The following AXDND1 variants were observed in gnomAD, a reference collection of about 807,000 sequenced individuals.
AXDND1 encodes axonemal dynein light chain domain containing 1, also known as axonemal dynein light chain domain-containing protein 1.
AXDND1 carries 110 observed loss-of-function variants against 137.5 expected under a neutral mutation model. The ratio of observed to expected loss-of-function variants is 0.80; its 90% CI spans 0.69 to 0.94. The LOEUF (loss-of-function observed/expected upper bound fraction) is 0.94, where lower values mean the gene tolerates loss of function less well. Among genes scored for constraint, AXDND1 ranks in the 40% least tolerant of loss-of-function variants. AXDND1 has a pLI of 0.00. For missense variants in AXDND1, 1,191 were observed against 1,169.8 expected, an observed-to-expected ratio of 1.02 and a Z score of -0.26; for synonymous variants, 414 against 399.7, an observed-to-expected ratio of 1.04 and a Z score of -0.43.
intron 25 of AXDND1, among the ~76,000 whole-genome samples, chr1:179,553,674 A>C (rs1420308120): frequency 6.6e-6 from 1 of 152,230 alleles, no homozygotes; most frequent in South Asian, 2.1e-4. Context: ...GAAATTAGAT[A>C]ATAGTAATGG....
At chr1:179,549,575 C>G (rs1477879748) in intron 25 of AXDND1, among the ~76,000 whole-genome samples, 1 of 152,098 alleles carries the variant, frequency 6.6e-6, no homozygotes, top group East Asian at 1.9e-4. Flanking sequence ...CATTTTTACC[C>G]TGGTGTTCAC....
chr1:179,465,662 T>C (rs12131055), intron 16 of AXDND1, among the ~76,000 whole-genome samples: 25,541 of 152,116 alleles, frequency 0.17, 2,501 homozygotes, highest in East Asian at 0.35. Flanking sequence ...CAGCCAGGGA[T>C]GTTTAAGTCT....
At chr1:179,502,964 G>T (rs372445289) in intron 20 of AXDND1, among the ~76,000 whole-genome samples, 1 of 151,334 alleles carries the variant, frequency 6.6e-6, no homozygotes, top group South Asian at 2.1e-4. Flanking sequence ...GCGTGGTGGC[G>T]CATGCCTGTA....
intron 16 of AXDND1, among the ~76,000 whole-genome samples, chr1:179,458,182 C>A (rs1661694765): frequency 6.6e-6 from 1 of 151,892 alleles, no homozygotes; most frequent in Admixed American, 6.6e-5. Flanking sequence ...TGGGTTTCAT[C>A]ATATTGTCCA....
intron 12 of AXDND1, among the ~76,000 whole-genome samples, chr1:179,417,360 T>A (rs1183556626): frequency 6.6e-6 from 1 of 152,204 alleles, no homozygotes; most frequent in Non-Finnish European, 1.5e-5. Context: ...ATGTAATTGC[T>A]TTTTCTTTCT....
chr1:179,463,754 A>G (rs12128167), intron 16 of AXDND1, among the ~76,000 whole-genome samples: 25,372 of 151,880 alleles, frequency 0.17, 2,421 homozygotes, highest in East Asian at 0.35. Context: ...GTGGGAGTCT[A>G]AGTCTCTTTG....
At chr1:179,400,773 C>T (rs1310567643) in intron 11 of AXDND1, among the ~76,000 whole-genome samples, 5 of 150,820 alleles carry the variant, frequency 3.3e-5, no homozygotes, top group African/African-American at 1.2e-4. Flanking sequence ...GGCATGGTGG[C>T]AGGCGCCTGT....
chr1:179,460,436 C>T (rs1662161601), intron 16 of AXDND1, among the ~76,000 whole-genome samples: 1 of 152,070 alleles, frequency 6.6e-6, no homozygotes, highest in South Asian at 2.1e-4. Flanking sequence ...TTTTCTTAAT[C>T]CCCAGTCTAT....
chr1:179,408,290 CTAGA>C (rs1653288858), intron 11 of AXDND1, among the ~76,000 whole-genome samples: 1 of 151,834 alleles, frequency 6.6e-6, no homozygotes, highest in African/African-American at 2.4e-5. Context: ...AGATTGGTTA[CTAGA>C]TAATTATTTT....
intron 24 of AXDND1, chr1:179,534,495 A>G (rs1279152727): frequency 2.6e-6 from 1 of 381,768 alleles, no homozygotes; most frequent in Non-Finnish European, 4.5e-6. Context: ...ATCAGATTTT[A>G]CTAAGAAGTG....
intron 16 of AXDND1, among the ~76,000 whole-genome samples, chr1:179,462,203 A>G (rs1662430289): frequency 6.6e-6 from 1 of 152,176 alleles, no homozygotes; most frequent in African/African-American, 2.4e-5. Flanking sequence ...AGCTCTTATT[A>G]TTTTGAGATA....
chr1:179,517,308 T>A (rs1232465825), intron 21 of AXDND1, among the ~76,000 whole-genome samples: 1 of 152,206 alleles, frequency 6.6e-6, no homozygotes, highest in Non-Finnish European at 1.5e-5. Context: ...ATGCCCCTAC[T>A]AACAGCCTTA....
chr1:179,417,972 TTATTTA>T (rs1185577899), intron 12 of AXDND1, among the ~76,000 whole-genome samples: 462 of 150,836 alleles, frequency 3.1e-3, no homozygotes, highest in African/African-American at 0.011. Flanking sequence ...TTATTTTTAT[TTATTTA>T]TTTTTATTTT....
At chr1:179,539,474 T>G (rs1422289390) in intron 25 of AXDND1, among the ~76,000 whole-genome samples, 1 of 152,226 alleles carries the variant, frequency 6.6e-6, no homozygotes, top group Non-Finnish European at 1.5e-5. Flanking sequence ...GATATGAAAT[T>G]CTGGGTTGAA....
intron 25 of AXDND1, among the ~76,000 whole-genome samples, chr1:179,540,808 T>C (rs925352342): frequency 6.6e-6 from 1 of 152,244 alleles, no homozygotes; most frequent in Admixed American, 6.5e-5. Flanking sequence ...CCTCAGGTGC[T>C]CTGTCCCAGG....
rs753601959 is a variant in AXDND1 at position 179,509,324 on chromosome 1, G to T, written c.2417G>T (p.Cys806Phe). Residue 806 changes from cysteine (C) to phenylalanine (F), a missense_variant, in exon 21 of 26, where the codon TGC becomes TTC. By Grantham distance (205) the Cys-to-Phe change is radical. Coordinates refer to ENST00000367618, the MANE Select transcript of AXDND1 (RefSeq NM_144696.6). The stretch of plus-strand genomic sequence containing the variant: ...GAATGTTATGAATGGATCAACACAT[G>T]CTCTTGCCTCCTTTCTAATATCAAA... ...KKECYEWINT[C>F]SCLLSNIKGR... The T allele has an allele frequency of 2.2e-5, 36 of 1,611,900 alleles. No homozygotes were observed. Among genetic ancestry groups the T allele is most frequent in the Non-Finnish European group, 2.9e-5 (34 of 1,178,570 alleles).
intron 17 of AXDND1, among the ~76,000 whole-genome samples, chr1:179,479,602 C>G (rs1287244596): frequency 1.3e-5 from 2 of 150,362 alleles, no homozygotes; most frequent in African/African-American, 4.9e-5. Context: ...ATGGTGAAAC[C>G]CTGTCTCCAC....
At chr1:179,519,749 TG>T (rs1669880838) in intron 21 of AXDND1, among the ~76,000 whole-genome samples, 2 of 152,166 alleles carry the variant, frequency 1.3e-5, no homozygotes, top group Non-Finnish European at 2.9e-5. Context: ...TTGGTGTATG[TG>T]TCTGTTCTTG....
At chr1:179,456,353 C>T in intron 16 of AXDND1, 3 of 773,474 alleles carry the variant, frequency 3.9e-6, no homozygotes, top group Non-Finnish European at 4.6e-6. Context: ...AGTTTCCTCC[C>T]TTCGTGGGTC....
Sources: gnomAD v4.1 joint callset for allele counts (sites outside exome capture counted in the v4.1 genomes callset) on GRCh38, gnomAD v4.1.1 for gene constraint, MANE v1.5 for transcripts, NCBI Gene and HGNC (gene_info 2026-07-23, HGNC 2026-07-21) for gene names.